Variants in DCC observed in about 807,000 individuals in gnomAD.
DCC encodes the protein DCC netrin 1 receptor, also known as netrin receptor DCC.
A neutral mutation model predicts 172.5 loss-of-function variants in DCC; 58 were observed. That is an observed-to-expected ratio of 0.34 (90% CI 0.27 to 0.42). DCC has a LOEUF of 0.42. DCC is among the 10% of genes least tolerant of loss of function. The probability of loss-of-function intolerance (pLI) is 1.00; values close to 1 mark genes in which losing one functional copy is unlikely to be tolerated. For missense variants in DCC, 1,740 were observed against 1,791.0 expected, an observed-to-expected ratio of 0.97 and a Z score of 0.51; for synonymous variants, 709 against 644.5, an observed-to-expected ratio of 1.10 and a Z score of -1.52.
At chr18:52,975,513 C>A (rs1191095374) in intron 5 of DCC, among the ~76,000 whole-genome samples, 1 of 152,158 alleles carries the variant, frequency 6.6e-6, no homozygotes, top group Non-Finnish European at 1.5e-5. Context: ...CCTCCTCCCA[C>A]CTTCCACCCT....
At chr18:53,340,514 T>A (rs75058533) in intron 15 of DCC, among the ~76,000 whole-genome samples, 2,527 of 152,228 alleles carry the variant, frequency 0.017, 36 homozygotes, top group Middle Eastern at 0.034. Context: ...CAATCTAGGT[T>A]CTCTTATTGT....
intron 1 of DCC, among the ~76,000 whole-genome samples, chr18:52,711,216 C>T (rs560496154): frequency 6.6e-6 from 1 of 151,920 alleles, no homozygotes; most frequent in South Asian, 2.1e-4. Flanking sequence ...AAGGATGAGA[C>T]CTTGTTTATT....
rs182005368 is a variant in DCC at position 53,058,321 on chromosome 18, G to A, written c.986-4984G>A. ...TTGAGCAGGGAAGTTTTTAACCTCT[G>A]AGTTATTAAATATAAAGTTACAAGC... On this transcript the variant is annotated intron_variant, in intron 5 of 28. Transcript: ENST00000442544. Among the ~76,000 whole-genome samples the A allele has an allele frequency of 7.9e-3, 1,210 of 152,236 alleles. 14 individuals are homozygous for A. Among genetic ancestry groups the A allele is most frequent in the Middle Eastern group, 0.01 (3 of 294 alleles).
chr18:53,358,528 C>CTT (rs2057905113), intron 15 of DCC, among the ~76,000 whole-genome samples: 1 of 104,512 alleles, frequency 9.6e-6, no homozygotes, highest in Non-Finnish European at 1.9e-5. Flanking sequence ...TATTCTCTCT[C>CTT]TCTTTTTTTT....
In DCC at chr18:52,898,992, T is replaced by C. The variant is rs892995304; in HGVS notation, c.413-7052T>C. ...TCTACTGATTTACAATTGAACTGTT[T>C]GTGGCTTAGATAATATTTTCACAAA... On this transcript the variant is annotated intron_variant, in intron 2 of 28. Transcript: ENST00000442544. 2.0e-5 allele frequency among the ~76,000 whole-genome samples: 3 copies of C among 152,172 alleles called. No individual in the cohort carries two copies. The East Asian group carries it at 5.8e-4, about 29-fold the overall frequency.
intron 2 of DCC, among the ~76,000 whole-genome samples, chr18:52,786,462 TA>T (rs369854671): frequency 1.3e-5 from 2 of 151,976 alleles, no homozygotes; most frequent in Admixed American, 6.6e-5. Context: ...TCATTTTTGG[TA>T]AAAAAACAAA....
intron 7 of DCC, among the ~76,000 whole-genome samples, chr18:53,144,493 T>A (rs2043876674): frequency 6.6e-6 from 1 of 151,912 alleles, no homozygotes; most frequent in South Asian, 2.1e-4. Context: ...GCAAAGGAAC[T>A]CCCCCTTATA....
At position 52,404,777 on chromosome 18, in the gene DCC, G is replaced by A. The variant is rs1208734448; in HGVS notation, c.91+63899G>A. On this transcript the variant is annotated intron_variant, in intron 1 of 28. Coordinates refer to ENST00000442544, the MANE Select transcript of DCC (RefSeq NM_005215.4). Reference sequence around the variant, plus strand: ...GCTGCACCCACTAACTCGTCATCTAGCATTAGGTATATCTCCCAATGCTAT... The same window carrying A: ...GCTGCACCCACTAACTCGTCATCTAACATTAGGTATATCTCCCAATGCTAT... 2.0e-5 allele frequency among the ~76,000 whole-genome samples: 3 copies of A among 149,920 alleles called. No homozygotes were observed. In the East Asian group the frequency reaches 6.0e-4, roughly 30 times the overall value.
chr18:52,377,277 A>T (rs536712053), intron 1 of DCC, among the ~76,000 whole-genome samples: 1 of 152,188 alleles, frequency 6.6e-6, no homozygotes, highest in East Asian at 1.9e-4. Flanking sequence ...AGCACTTCTC[A>T]TTCAAAACTT....
At chr18:52,662,417 A>C (rs2035376136) in intron 1 of DCC, among the ~76,000 whole-genome samples, 1 of 151,536 alleles carries the variant, frequency 6.6e-6, no homozygotes, top group Non-Finnish European at 1.5e-5. Context: ...AGCACAATAA[A>C]TGCGAAAAGA....
At chr18:52,383,522 G>A (rs551833958) in intron 1 of DCC, among the ~76,000 whole-genome samples, 4 of 151,788 alleles carry the variant, frequency 2.6e-5, no homozygotes, top group African/African-American at 4.8e-5. Flanking sequence ...TGTAGCATTT[G>A]TTTATATACA....
At chr18:52,837,738 A>G (rs1190378610) in intron 2 of DCC, among the ~76,000 whole-genome samples, 1 of 152,226 alleles carries the variant, frequency 6.6e-6, no homozygotes, top group Non-Finnish European at 1.5e-5. Context: ...CATTTTCAGT[A>G]TCATTATAAT....
intron 11 of DCC, among the ~76,000 whole-genome samples, chr18:53,214,035 C>T (rs1482187924): frequency 6.6e-6 from 1 of 151,938 alleles, no homozygotes; most frequent in African/African-American, 2.4e-5. Flanking sequence ...CTTCCTGATA[C>T]TGGTGATACA....
chr18:53,287,941 A>G (rs2056955216), intron 12 of DCC, among the ~76,000 whole-genome samples: 1 of 151,908 alleles, frequency 6.6e-6, no homozygotes, highest in South Asian at 2.1e-4. Flanking sequence ...ACTGGAGAGG[A>G]TTTTTTTTAA....
At chr18:52,602,422 T>TGTGTGTGTGA (rs944835362) in intron 1 of DCC, among the ~76,000 whole-genome samples, 1 of 151,822 alleles carries the variant, frequency 6.6e-6, no homozygotes, top group South Asian at 2.1e-4. Flanking sequence ...TGTGTGTGTG[T>TGTGTGTGTGA]GATTCAACTT....
chr18:52,895,065 G>GA (rs1418321248), intron 2 of DCC, among the ~76,000 whole-genome samples: 1 of 152,182 alleles, frequency 6.6e-6, no homozygotes. Flanking sequence ...GGGGTGCATG[G>GA]AAGAAGAACC....
intron 2 of DCC, among the ~76,000 whole-genome samples, chr18:52,860,298 C>T (rs932561900): frequency 1.2e-4 from 18 of 152,260 alleles, no homozygotes; most frequent in East Asian, 3.9e-4. Flanking sequence ...TAAGTTGCTC[C>T]GGTGATTTCT....
At chr18:52,670,648 T>A (rs1340850026) in intron 1 of DCC, among the ~76,000 whole-genome samples, 2 of 152,178 alleles carry the variant, frequency 1.3e-5, no homozygotes, top group Non-Finnish European at 1.5e-5. Context: ...AAGACCAGCC[T>A]AGCCAACATG....
chr18:52,429,119 T>C (rs1987537582), intron 1 of DCC, among the ~76,000 whole-genome samples: 1 of 152,118 alleles, frequency 6.6e-6, no homozygotes, highest in Non-Finnish European at 1.5e-5. Context: ...TTTTTACTGA[T>C]GTCCATAACT....
Sources: gnomAD v4.1 joint callset for allele counts (sites outside exome capture counted in the v4.1 genomes callset) on GRCh38, gnomAD v4.1.1 for gene constraint, MANE v1.5 for transcripts, NCBI Gene and HGNC (gene_info 2026-07-23, HGNC 2026-07-21) for gene names.